Variants in NUP210 observed in about 807,000 individuals in gnomAD.
NUP210 encodes the protein nuclear pore membrane glycoprotein 210.
In NUP210, 151 loss-of-function variants were observed where a neutral mutation model predicts 196.0. The observed-to-expected ratio is 0.77, with a 90% CI of 0.67 to 0.88. The LOEUF (loss-of-function observed/expected upper bound fraction) is 0.88. Ranked by LOEUF, NUP210 falls within the 40% of genes least tolerant of loss-of-function variation. The pLI, the probability that NUP210 is intolerant of heterozygous loss-of-function variation, is 0.00. For missense variants in NUP210, 2,314 were observed against 2,493.7 expected, an observed-to-expected ratio of 0.93 and a Z score of 1.53; for synonymous variants, 1,070 against 1,052.7, an observed-to-expected ratio of 1.02 and a Z score of -0.32.
intron 23 of NUP210, 76 bp downstream of exon 23, chr3:13,341,672 T>C: frequency 6.6e-7 from 1 of 1,517,294 alleles, no homozygotes; most frequent in Non-Finnish European, 9.0e-7. Context: ...AGTAGCTTCC[T>C]GGACTGTACT....
intron 20 of NUP210, among the ~76,000 whole-genome samples, chr3:13,345,387 C>A (rs1463915004): frequency 6.6e-6 from 1 of 152,198 alleles, no homozygotes; most frequent in Non-Finnish European, 1.5e-5. Flanking sequence ...AATACCCTAA[C>A]TCCCAGTTTA....
At chr3:13,360,893 A>C (rs1698347970) in intron 14 of NUP210, among the ~76,000 whole-genome samples, 1 of 152,204 alleles carries the variant, frequency 6.6e-6, no homozygotes, top group African/African-American at 2.4e-5. Context: ...TCCCACAGCA[A>C]ATAACCAACA....
intron 12 of NUP210, among the ~76,000 whole-genome samples, chr3:13,373,089 G>A (rs946183328): frequency 6.6e-6 from 1 of 152,194 alleles, no homozygotes; most frequent in Non-Finnish European, 1.5e-5. Flanking sequence ...GCAGGCTGCA[G>A]CTGGACTCCA....
At chr3:13,326,329 T>C (rs1024736012) in intron 32 of NUP210, among the ~76,000 whole-genome samples, 4 of 133,170 alleles carry the variant, frequency 3.0e-5, no homozygotes, top group African/African-American at 1.2e-4. Flanking sequence ...CCCCTCCCCA[T>C]CCCTTCGTTG....
At chr3:13,387,978 T>C (rs1699339747) in intron 5 of NUP210, among the ~76,000 whole-genome samples, 1 of 152,076 alleles carries the variant, frequency 6.6e-6, no homozygotes, top group South Asian at 2.1e-4. Flanking sequence ...AGTGTCCCTA[T>C]ACCAGCACGG....
At chr3:13,343,028 G>T in intron 21 of NUP210, 147 bp downstream of exon 21, 5 of 915,108 alleles carry the variant, frequency 5.5e-6, no homozygotes, top group Non-Finnish European at 8.4e-6. Flanking sequence ...CGAAGGAGAT[G>T]GGAGACAGCT....
chr3:13,329,579 C>T (rs1696914096), intron 30 of NUP210, among the ~76,000 whole-genome samples: 1 of 152,150 alleles, frequency 6.6e-6, no homozygotes, highest in East Asian at 1.9e-4. Context: ...AGCAGTCAGT[C>T]ACTTTCACTC....
intron 13 of NUP210, among the ~76,000 whole-genome samples, chr3:13,367,514 T>C (rs949991180): frequency 6.6e-6 from 1 of 152,180 alleles, no homozygotes; most frequent in Non-Finnish European, 1.5e-5. Context: ...CCACCCTATA[T>C]GCAGCACCCA....
chr3:13,319,621 G>A (rs1696427613), intron 37 of NUP210, 142 bp downstream of exon 37: 2 of 745,696 alleles, frequency 2.7e-6, no homozygotes, highest in Non-Finnish European at 4.5e-6. Flanking sequence ...TGGCCCCAAT[G>A]AGCAGCGATC....
At chr3:13,336,528 T>A (rs1230374762) in intron 27 of NUP210, among the ~76,000 whole-genome samples, 13 of 152,218 alleles carry the variant, frequency 8.5e-5, no homozygotes, top group Non-Finnish European at 1.5e-4. Context: ...CTGCAGACTC[T>A]GACCTCCCAG....
intron 3 of NUP210, among the ~76,000 whole-genome samples, chr3:13,396,278 T>A (rs1699650697): frequency 6.6e-6 from 1 of 152,142 alleles, no homozygotes; most frequent in African/African-American, 2.4e-5. Context: ...ATCAATACTA[T>A]CTAGGCTAAG....
At chr3:13,395,956 G>A (rs1021603410) in intron 3 of NUP210, among the ~76,000 whole-genome samples, 11 of 152,200 alleles carry the variant, frequency 7.2e-5, no homozygotes, top group African/African-American at 2.7e-4. Context: ...ACCGAACACT[G>A]TACATATTTC....
At chr3:13,391,707 T>C (rs533754817) in intron 3 of NUP210, among the ~76,000 whole-genome samples, 31 of 135,886 alleles carry the variant, frequency 2.3e-4, no homozygotes, top group African/African-American at 8.5e-4. Context: ...TTCCTGGGAG[T>C]AAACTCCTCT....
intron 16 of NUP210, among the ~76,000 whole-genome samples, chr3:13,355,563 C>T (rs956580032): frequency 8.5e-5 from 13 of 152,208 alleles, no homozygotes; most frequent in African/African-American, 2.9e-4. Context: ...GGCCAGGCCC[C>T]GCCTGCCTGA....
Position 13,363,608 on chromosome 3 carries a change from T to C in NUP210, c.1932+2338A>G, listed in dbSNP as rs532278344. Among the ~76,000 whole-genome samples, 11 of 152,350 alleles carry C rather than the reference T, an allele frequency of 7.2e-5. No homozygotes were observed. In the South Asian group the frequency reaches 2.3e-3, roughly 32 times the overall value. ...CTCAGCGGATGTCAAAGCCCAAATA[T>C]TCCAAATATTCCTCACGTGCAACAG... On this transcript the variant is annotated intron_variant, in intron 14 of 39. Coordinates refer to ENST00000254508, the MANE Select transcript of NUP210 (RefSeq NM_024923.4).
In NUP210 at chr3:13,316,585, CCAGGCCCT is replaced by C. The variant is rs1696281434; in HGVS notation, c.*1088_*1095del. On this transcript the variant is annotated 3_prime_UTR_variant, in exon 40 of 40. Transcript: ENST00000254508. ...AGGACTTTTCCAAGGGTCTCCTCCC[CCAGGCCCT>C]GGGGAGTCCCTTCTGGATGGGCAGG... is the stretch of plus-strand genomic sequence containing the variant. 2 of 152,268 alleles carry C rather than the reference CCAGGCCCT, an allele frequency of 1.3e-5. No homozygotes were observed. The allele number at this position is 152,268 out of a possible 1,614,324, so 9.4% of individuals were successfully genotyped here. A position where few individuals can be genotyped will look rare whatever the true frequency, so the allele number is the denominator to read the frequency against.
chr3:13,330,708 T>C (rs1696962207), intron 29 of NUP210, 74 bp from the exon 30 acceptor site: 1 of 1,410,568 alleles, frequency 7.1e-7, no homozygotes, highest in Non-Finnish European at 9.8e-7. Flanking sequence ...TGCCAGGAGA[T>C]CTAAGAGTCT....
In NUP210 at chr3:13,319,359, A is replaced by T. The variant is rs887114656; in HGVS notation, c.5384-34T>A. 14 of 1,543,858 alleles carry T rather than the reference A, an allele frequency of 9.1e-6. No homozygotes were observed. The African/African-American group carries it at 1.9e-4, about 21-fold the overall frequency. ...AATGGGAAGATGAGTTACCAAAACC[A>T]CCAGGCCCACTGTGGCATCCCATCA... is the stretch of plus-strand genomic sequence containing the variant. On this transcript the variant is annotated intron_variant, in intron 37 of 39. Coordinates refer to ENST00000254508, the MANE Select transcript of NUP210 (RefSeq NM_024923.4).
chr3:13,378,717 C>T (rs1046047658), intron 8 of NUP210, among the ~76,000 whole-genome samples, 195 bp downstream of exon 8: 1 of 152,182 alleles, frequency 6.6e-6, no homozygotes, highest in African/African-American at 2.4e-5. Flanking sequence ...GCCTGCCTGG[C>T]TTGGCTCATT....
Sources: allele counts gnomAD v4.1 joint callset (sites outside exome capture counted in the v4.1 genomes callset), GRCh38; gene constraint gnomAD v4.1.1; transcripts MANE v1.5; gene names NCBI Gene and HGNC (gene_info 2026-07-23, HGNC 2026-07-21).